Variants in NOL4L observed in about 807,000 individuals in gnomAD.
The protein encoded by NOL4L is nucleolar protein 4-like.
In NOL4L, 7 loss-of-function variants were observed where a neutral mutation model predicts 64.5. That is an observed-to-expected ratio of 0.11 (90% CI 0.06 to 0.20). The LOEUF (loss-of-function observed/expected upper bound fraction) is 0.20, where lower values mean the gene tolerates loss of function less well. Among genes scored for constraint, NOL4L ranks in the 10% least tolerant of loss-of-function variants. The pLI, the probability that NOL4L is intolerant of heterozygous loss-of-function variation, is 1.00. For missense variants in NOL4L, 680 were observed against 967.1 expected, an observed-to-expected ratio of 0.70 and a Z score of 3.94; for synonymous variants, 413 against 401.0, an observed-to-expected ratio of 1.03 and a Z score of -0.36.
chr20:32,521,284 C>T (rs1046364228), intron 2 of NOL4L, among the ~76,000 whole-genome samples: 4 of 152,132 alleles, frequency 2.6e-5, no homozygotes, highest in Non-Finnish European at 5.9e-5. Context: ...GAGCAGTTCC[C>T]CTCTTAGAGA....
At chr20:32,476,423 C>A (rs1353876868) in intron 4 of NOL4L, among the ~76,000 whole-genome samples, 4 of 152,204 alleles carry the variant, frequency 2.6e-5, no homozygotes, top group African/African-American at 9.7e-5. Flanking sequence ...GCCATGCGGG[C>A]TCCGGGAACC....
rs149959893 is a variant in NOL4L, at chr20:32,458,632, G to A, written c.842-2237C>T. ...CATCCTTCACCCACCTTGCAGGTGC[G>A]ACTTCACATACCGACACCACCCTCA... On this transcript the variant is annotated intron_variant, in intron 5 of 10. Coordinates refer to ENST00000621426, the MANE Select transcript of NOL4L (RefSeq NM_001256798.2). Among the ~76,000 whole-genome samples the A allele has an allele frequency of 4.8e-3, 728 of 152,294 alleles. 9 individuals carry two copies. The highest frequency in any genetic ancestry group is 0.016 in the African/African-American group (660 of 41,568).
chr20:32,535,853 T>C, intron 1 of NOL4L: 3 of 985,356 alleles, frequency 3.0e-6, no homozygotes, highest in Non-Finnish European at 3.6e-6. Context: ...CGAATGACAA[T>C]GACTTATGAG....
chr20:32,454,018 G>A, intron 6 of NOL4L: 1 of 498,198 alleles, frequency 2.0e-6, no homozygotes, highest in Non-Finnish European at 3.6e-6. Flanking sequence ...CAGAGACCTG[G>A]TTCCCGGGGC....
chr20:32,521,647 A>T (rs907480152), intron 2 of NOL4L, among the ~76,000 whole-genome samples: 7 of 152,088 alleles, frequency 4.6e-5, no homozygotes, highest in African/African-American at 1.7e-4. Context: ...GGGGAGAGAC[A>T]CAAAGAAGGG....
chr20:32,474,818 C>T lies in NOL4L; in HGVS notation c.700-76G>A, dbSNP rs1600704369. ...GCCTGAGGCAGCCTTGTGGGTGGAC[C>T]CCAGGGCCAGTGGGCGTTTGGGAGT... On this transcript the variant is annotated intron_variant, in intron 4 of 10. Transcript: ENST00000621426. 2.7e-6 allele frequency: 4 copies of T among 1,486,584 alleles called. No homozygotes were observed. In the East Asian group the frequency reaches 7.6e-5, roughly 28 times the overall value. The allele number at this position is 1,486,584 out of a possible 1,614,324, so 92.1% of individuals were successfully genotyped here.
rs144985727 is a variant in NOL4L at position 32,582,342 on chromosome 20, C to T, written c.321+2228G>A. 1.8e-3 allele frequency among the ~76,000 whole-genome samples: 272 copies of T among 152,274 alleles called. 3 individuals are homozygous for T. In the East Asian group the frequency reaches 0.019, roughly 11 times the overall value. On this transcript the variant is annotated intron_variant, in intron 1 of 10. Coordinates refer to ENST00000621426, the MANE Select transcript of NOL4L (RefSeq NM_001256798.2). ...CCAGGGTGGAGACTGGGGACGGTCG[C>T]GCTGCCAGGGGCAGGCAGAGCGGGT...
rs1254607384 is a variant in NOL4L at position 32,453,978 on chromosome 20, C to T, written c.1120-217G>A. ...GCTACCACCTCCCTCCCTGGGCTGC[C>T]GCAGGGAGGACCGACTGCAATAGTG... On this transcript the variant is annotated intron_variant, in intron 6 of 10. Transcript: ENST00000621426. The surrounding 1 kb of genome is among the most constrained non-coding windows in gnomAD (Gnocchi z 5.6). The T allele has an allele frequency of 1.0e-5, 6 of 581,118 alleles. No individual in the cohort carries two copies. Among genetic ancestry groups the T allele is most frequent in the South Asian group, 6.1e-5 (3 of 49,182 alleles). The allele number at this position is 581,118 out of a possible 1,614,324, so 36.0% of individuals were successfully genotyped here.
chr20:32,447,463 G>C lies in NOL4L; in HGVS notation c.*133C>G. On this transcript the variant is annotated 3_prime_UTR_variant, in exon 11 of 11. Transcript: ENST00000621426. Reference sequence around the variant, plus strand: ...GTGCCCAAAGTCTCAGGTGCTTGGAGTGTGGCTAGAAACAGCTCTTTTGGA... The same window carrying C: ...GTGCCCAAAGTCTCAGGTGCTTGGACTGTGGCTAGAAACAGCTCTTTTGGA... 1 of 1,046,780 alleles carries C rather than the reference G, an allele frequency of 9.6e-7. No individual in the cohort carries two copies. Among genetic ancestry groups the C allele is most frequent in the East Asian group, 2.7e-5 (1 of 37,586 alleles). 64.8% of individuals were successfully genotyped at this position (1,046,780 alleles called of 1,614,324 possible).
chr20:32,475,029 T>C, intron 4 of NOL4L: 1 of 985,432 alleles, frequency 1.0e-6, no homozygotes. Flanking sequence ...GGCCTGGCTC[T>C]TACCCTTGTG....
At chr20:32,490,144 A>AAAAAAAC (rs543768294) in intron 4 of NOL4L, among the ~76,000 whole-genome samples, 31,556 of 121,034 alleles carry the variant, frequency 0.26, 5,916 homozygotes, top group East Asian at 0.55. Context: ...AAAAAAAAAA[A>AAAAAAAC]ATATATATAC....
intron 4 of NOL4L, among the ~76,000 whole-genome samples, chr20:32,483,954 C>T (rs553102401): frequency 6.6e-5 from 10 of 151,664 alleles, no homozygotes; most frequent in East Asian, 3.9e-4. Context: ...GAGGAAGATC[C>T]TTGCACGGGG....
intron 4 of NOL4L, among the ~76,000 whole-genome samples, chr20:32,490,871 T>C (rs6058719): frequency 0.041 from 6,250 of 152,340 alleles, 338 homozygotes; most frequent in African/African-American, 0.13. Flanking sequence ...GTTATAGCTC[T>C]CTCTGGTCTG....
At chr20:32,509,742 T>C in intron 4 of NOL4L, 1 of 1,271,322 alleles carries the variant, frequency 7.9e-7, no homozygotes, top group South Asian at 1.3e-5. Context: ...GATTTGTTAG[T>C]GAGAGATCGC....
chr20:32,491,046 G>A (rs969486021), intron 4 of NOL4L, among the ~76,000 whole-genome samples: 1 of 152,148 alleles, frequency 6.6e-6, no homozygotes, highest in Non-Finnish European at 1.5e-5. Flanking sequence ...CCACACATAT[G>A]TACAGAGCCA....
At chr20:32,550,589 TACAAAAA>T (rs1411410510) in intron 1 of NOL4L, among the ~76,000 whole-genome samples, 1 of 151,916 alleles carries the variant, frequency 6.6e-6, no homozygotes, top group African/African-American at 2.4e-5. Context: ...CTACTAAAAA[TACAAAAA>T]AGTGGCCGGG....
At chr20:32,451,869 A>G (rs1182914910) in intron 10 of NOL4L, among the ~76,000 whole-genome samples, 1 of 152,170 alleles carries the variant, frequency 6.6e-6, no homozygotes, top group African/African-American at 2.4e-5. Flanking sequence ...GCGGAGATTC[A>G]ACTCAGGCCA....
intron 4 of NOL4L, chr20:32,510,081 A>T (rs1327693858): frequency 1.7e-6 from 1 of 601,242 alleles, no homozygotes; most frequent in South Asian, 1.6e-5. Flanking sequence ...AGCTCAAACT[A>T]CTTTGCCTTT....
chr20:32,516,668 A>G (rs1462105246), intron 3 of NOL4L, among the ~76,000 whole-genome samples: 1 of 152,196 alleles, frequency 6.6e-6, no homozygotes, highest in Non-Finnish European at 1.5e-5. Context: ...AGATGAGGCA[A>G]CAGCACACAG....
Sources: gnomAD v4.1 joint callset for allele counts (sites outside exome capture counted in the v4.1 genomes callset) on GRCh38, gnomAD v4.1.1 for gene constraint, Gnocchi (gnomAD v3.1) non-coding constraint, MANE v1.5 for transcripts, NCBI Gene and HGNC (gene_info 2026-07-23, HGNC 2026-07-21) for gene names.